Variants in GRM7 observed in about 807,000 individuals in gnomAD.
GRM7 encodes metabotropic glutamate receptor 7.
In GRM7, 35 loss-of-function variants were observed where a neutral mutation model predicts 84.5. That is an observed-to-expected ratio of 0.41 (90% CI 0.32 to 0.55). GRM7 has a LOEUF of 0.55. GRM7 is among the 20% of genes least tolerant of loss of function. The pLI is 0.19. For missense variants in GRM7, 1,003 were observed against 1,194.6 expected (o/e 0.84, Z 2.36); for synonymous variants, 487 against 455.1 (o/e 1.07, Z -0.89).
intron 1 of GRM7, among the ~76,000 whole-genome samples, chr3:6,999,278 C>G (rs907749827): frequency 2.0e-5 from 3 of 152,150 alleles, no homozygotes. Flanking sequence ...TGTGAGAACA[C>G]CTCAGCATGG....
chr3:7,594,118 C>T (rs1481359432), intron 8 of GRM7, among the ~76,000 whole-genome samples: 3 of 152,130 alleles, frequency 2.0e-5, no homozygotes, highest in Non-Finnish European at 4.4e-5. Flanking sequence ...TTCTTTCCTC[C>T]TTTCTTCTGA....
intron 1 of GRM7, among the ~76,000 whole-genome samples, chr3:6,987,988 C>A (rs1376494779): frequency 1.4e-5 from 2 of 147,314 alleles, no homozygotes; most frequent in African/African-American, 2.6e-5. Context: ...GGCCACATCA[C>A]CTCTAGCTTT....
At chr3:7,410,203 A>G (rs1382433573) in intron 4 of GRM7, among the ~76,000 whole-genome samples, 1 of 152,262 alleles carries the variant, frequency 6.6e-6, no homozygotes, top group East Asian at 1.9e-4. Context: ...GTGTTACTAG[A>G]TCTTCTAACT....
At chr3:7,318,565 G>C (rs1575161583) in intron 4 of GRM7, among the ~76,000 whole-genome samples, 1 of 151,956 alleles carries the variant, frequency 6.6e-6, no homozygotes, top group East Asian at 1.9e-4. Context: ...AAGGTTGAAG[G>C]GGTTTTTTAA....
intron 1 of GRM7, among the ~76,000 whole-genome samples, chr3:7,141,609 C>T (rs1242442102): frequency 2.6e-5 from 4 of 151,546 alleles, no homozygotes; most frequent in Non-Finnish European, 5.9e-5. Flanking sequence ...AAATTAAAAA[C>T]GTGATTATCC....
chr3:7,332,989 C>A (rs1508714), intron 4 of GRM7, among the ~76,000 whole-genome samples: 5,979 of 152,160 alleles, frequency 0.039, 247 homozygotes, highest in African/African-American at 0.11. Context: ...AGCTTATATC[C>A]CCCTTCTACT....
At chr3:7,264,854 G>C (rs114250324) in intron 2 of GRM7, among the ~76,000 whole-genome samples, 2,518 of 99,996 alleles carry the variant, frequency 0.025, 73 homozygotes, top group African/African-American at 0.092. Flanking sequence ...CTCCTAGAGA[G>C]AGCAAATATC....
chr3:7,150,341 C>T (rs7650317), intron 2 of GRM7, among the ~76,000 whole-genome samples: 3 of 152,084 alleles, frequency 2.0e-5, no homozygotes, highest in African/African-American at 4.8e-5. Context: ...CCATGCTCAC[C>T]GTCACAGTGC....
chr3:7,416,364 T>C (rs1696159268), intron 5 of GRM7, among the ~76,000 whole-genome samples: 1 of 152,128 alleles, frequency 6.6e-6, no homozygotes, highest in African/African-American at 2.4e-5. Context: ...TATACTAATG[T>C]AATAAGGCTA....
intron 1 of GRM7, among the ~76,000 whole-genome samples, chr3:6,896,515 A>T (rs1276232753): frequency 6.6e-6 from 1 of 152,180 alleles, no homozygotes; most frequent in Non-Finnish European, 1.5e-5. Context: ...TGATGTGCAT[A>T]ATCTAAAATG....
At chr3:7,418,632 G>T (rs1331099274) in intron 5 of GRM7, among the ~76,000 whole-genome samples, 5 of 152,138 alleles carry the variant, frequency 3.3e-5, no homozygotes, top group Non-Finnish European at 7.4e-5. Context: ...CCAGGATGCT[G>T]CTGGCACAAA....
chr3:7,278,643 A>G (rs578207243), intron 2 of GRM7, among the ~76,000 whole-genome samples: 1 of 152,284 alleles, frequency 6.6e-6, no homozygotes, highest in Admixed American at 6.5e-5. Flanking sequence ...TGTTAAGGCA[A>G]TAATCATGCA....
At chr3:7,045,408 A>T (rs1184449444) in intron 1 of GRM7, among the ~76,000 whole-genome samples, 5 of 152,172 alleles carry the variant, frequency 3.3e-5, no homozygotes, top group Admixed American at 2.6e-4. Context: ...TTCTTTAAGG[A>T]TAAGAAGAGG....
intron 4 of GRM7, among the ~76,000 whole-genome samples, chr3:7,326,378 A>T (rs1700988666): frequency 6.6e-6 from 1 of 152,088 alleles, no homozygotes; most frequent in South Asian, 2.1e-4. Context: ...GCAGATGGTG[A>T]TGCATTACAT....
intron 2 of GRM7, among the ~76,000 whole-genome samples, chr3:7,197,967 G>A (rs1299143235): frequency 6.6e-6 from 1 of 152,080 alleles, no homozygotes; most frequent in Non-Finnish European, 1.5e-5. Context: ...TGGGTACTCT[G>A]GTGGGAGAGT....
chr3:7,672,107 T>G (rs1699941625), intron 8 of GRM7, among the ~76,000 whole-genome samples: 1 of 152,168 alleles, frequency 6.6e-6, no homozygotes, highest in Non-Finnish European at 1.5e-5. Flanking sequence ...GTATTTTTTT[T>G]TTCCATTATA....
chr3:7,719,895 A>G (rs763637843), intron 9 of GRM7, among the ~76,000 whole-genome samples: 1 of 151,934 alleles, frequency 6.6e-6, no homozygotes, highest in Non-Finnish European at 1.5e-5. Context: ...TTATACGGTC[A>G]CCCTTCTGAA....
chr3:7,726,330 G>C (rs190342255), intron 9 of GRM7, among the ~76,000 whole-genome samples: 1 of 151,630 alleles, frequency 6.6e-6, no homozygotes, highest in African/African-American at 2.4e-5. Flanking sequence ...CCTGAGAGAC[G>C]GTCACTGTCA....
chr3:6,891,651 T>A (rs1474753384), intron 1 of GRM7, among the ~76,000 whole-genome samples: 3 of 152,228 alleles, frequency 2.0e-5, no homozygotes, highest in Non-Finnish European at 2.9e-5. Flanking sequence ...CCTTTCTCTC[T>A]GGCTGCCCTT....
Sources: allele counts gnomAD v4.1 joint callset (sites outside exome capture counted in the v4.1 genomes callset), GRCh38; gene constraint gnomAD v4.1.1; transcripts MANE v1.5; gene names NCBI Gene and HGNC (gene_info 2026-07-23, HGNC 2026-07-21).